CDC73: variants seen among roughly 807,000 people sequenced by gnomAD.
CDC73 encodes cell division cycle 73, also known as parafibromin.
A neutral mutation model predicts 83.7 loss-of-function variants in CDC73; 21 were observed. The ratio of observed to expected loss-of-function variants is 0.25; its 90% CI spans 0.18 to 0.36. The LOEUF (loss-of-function observed/expected upper bound fraction) is 0.36, where lower values mean the gene tolerates loss of function less well. Among genes scored for constraint, CDC73 ranks in the 10% least tolerant of loss-of-function variants. The pLI, the probability that CDC73 is intolerant of heterozygous loss-of-function variation, is 1.00. For missense variants in CDC73, 342 were observed against 653.3 expected (o/e 0.52, Z 5.19); for synonymous variants, 224 against 212.9 (o/e 1.05, Z -0.45).
At chr1:193,238,774 C>T (rs976557988) in intron 15 of CDC73, among the ~76,000 whole-genome samples, 3 of 152,030 alleles carry the variant, frequency 2.0e-5, no homozygotes, top group East Asian at 3.8e-4. Context: ...TTAAGAAAAT[C>T]GTAAGAAAGA....
chr1:193,123,841 G>A (rs530580183), intron 1 of CDC73, among the ~76,000 whole-genome samples: 1 of 152,304 alleles, frequency 6.6e-6, no homozygotes, highest in African/African-American at 2.4e-5. Flanking sequence ...ATAAGTTGAT[G>A]TGAAATGCTT....
At chr1:193,219,174 A>C (rs1677420565) in intron 13 of CDC73, among the ~76,000 whole-genome samples, 2 of 152,242 alleles carry the variant, frequency 1.3e-5, no homozygotes, top group Admixed American at 6.5e-5. Context: ...TGCAAATCAA[A>C]ACTGCAATGA....
At chr1:193,182,045 A>T (rs1475310253) in intron 10 of CDC73, among the ~76,000 whole-genome samples, 2 of 152,140 alleles carry the variant, frequency 1.3e-5, no homozygotes, top group African/African-American at 4.8e-5. Context: ...GCAGATGGAA[A>T]ATTTATTGGC....
chr1:193,168,417 G>C (rs1251828879), intron 10 of CDC73, among the ~76,000 whole-genome samples: 1 of 152,144 alleles, frequency 6.6e-6, no homozygotes, highest in African/African-American at 2.4e-5. Context: ...GAGGATTAAA[G>C]TAAGGTAAAG....
At chr1:193,225,663 G>A (rs1291878712) in intron 13 of CDC73, among the ~76,000 whole-genome samples, 1 of 152,054 alleles carries the variant, frequency 6.6e-6, no homozygotes, top group Non-Finnish European at 1.5e-5. Flanking sequence ...CATTAGTGAT[G>A]TTGAGCATTT....
At chr1:193,248,269 A>G (rs1035534427) in intron 15 of CDC73, among the ~76,000 whole-genome samples, 6 of 152,116 alleles carry the variant, frequency 3.9e-5, no homozygotes. Context: ...AACACTGTTT[A>G]CAGCAGGGTT....
intron 8 of CDC73, 98 bp downstream of exon 8, chr1:193,148,063 G>A: frequency 1.2e-6 from 1 of 838,362 alleles, no homozygotes. Flanking sequence ...TAAAATCAGT[G>A]GATTCTAAAC....
At chr1:193,240,730 C>T (rs1192264513) in intron 15 of CDC73, among the ~76,000 whole-genome samples, 2 of 152,032 alleles carry the variant, frequency 1.3e-5, no homozygotes, top group African/African-American at 4.8e-5. Flanking sequence ...GAGTTTCTTG[C>T]ATATTAGTCC....
intron 10 of CDC73, chr1:193,186,760 G>A (rs1306963180): frequency 6.6e-6 from 1 of 152,122 alleles, no homozygotes; most frequent in Non-Finnish European, 1.5e-5. Flanking sequence ...AATTATATAT[G>A]TTGAATGCAA....
intron 13 of CDC73, among the ~76,000 whole-genome samples, chr1:193,217,615 C>T (rs369568241): frequency 4.7e-4 from 71 of 152,102 alleles, no homozygotes; most frequent in Middle Eastern, 6.8e-3. Context: ...CTTGTGTCTT[C>T]TTCTGCTGAT....
chr1:193,222,396 G>A (rs1677487679), intron 13 of CDC73, among the ~76,000 whole-genome samples: 1 of 152,294 alleles, frequency 6.6e-6, no homozygotes, highest in African/African-American at 2.4e-5. Context: ...TTACCAGAGC[G>A]TAGACTGGAC....
At chr1:193,165,944 A>G (rs1244689821) in intron 10 of CDC73, among the ~76,000 whole-genome samples, 1 of 152,228 alleles carries the variant, frequency 6.6e-6, no homozygotes, top group Non-Finnish European at 1.5e-5. Context: ...TGAGTTTTAC[A>G]TGTAAGTTCT....
chr1:193,130,295 T>TC lies in CDC73; in HGVS notation c.307+56dup, dbSNP rs1299050132. On this transcript the variant is annotated intron_variant, in intron 3 of 16. Transcript: ENST00000367435. ...TCTTAAACAGACATTGTTTCTTTTT[T>TC]CCCCTATGAAATAATGATTAGAGGG... 13 of 1,098,058 alleles carry TC rather than the reference T, an allele frequency of 1.2e-5. No individual in the cohort carries two copies. The African/African-American group carries it at 1.8e-4, about 16-fold the overall frequency. 68.0% of individuals were successfully genotyped at this position (1,098,058 alleles called of 1,614,324 possible).
chr1:193,205,087 A>G (rs1677163272), intron 11 of CDC73, among the ~76,000 whole-genome samples: 1 of 151,668 alleles, frequency 6.6e-6, no homozygotes, highest in Admixed American at 6.6e-5. Context: ...TCATTTAGAT[A>G]CCAACCCTGT....
chr1:193,138,837 C>T (rs562254630), intron 6 of CDC73, among the ~76,000 whole-genome samples: 4 of 141,128 alleles, frequency 2.8e-5, no homozygotes, highest in Admixed American at 1.5e-4. Context: ...TGCAGTGGTG[C>T]GATCTTGGCT....
intron 15 of CDC73, among the ~76,000 whole-genome samples, chr1:193,245,689 G>T (rs1677943107): frequency 6.6e-6 from 1 of 151,984 alleles, no homozygotes; most frequent in African/African-American, 2.4e-5. Context: ...AGTTCTCTTG[G>T]TAGTTTTTTG....
At chr1:193,176,035 G>A (rs368337597) in intron 10 of CDC73, among the ~76,000 whole-genome samples, 1 of 152,104 alleles carries the variant, frequency 6.6e-6, no homozygotes, top group Non-Finnish European at 1.5e-5. Context: ...AAGACAAACA[G>A]ATCCCTGATA....
intron 2 of CDC73, 84 bp downstream of exon 2, chr1:193,125,301 C>T (rs796265386): frequency 3.9e-5 from 34 of 865,680 alleles, no homozygotes; most frequent in African/African-American, 1.7e-4. Context: ...CCTTGTTGCC[C>T]GGGCTAGGGT....
intron 7 of CDC73, among the ~76,000 whole-genome samples, chr1:193,142,438 A>T (rs533389970): frequency 1.3e-5 from 2 of 152,072 alleles, no homozygotes. Context: ...TTTTTCTCAC[A>T]TGGTAGAGAA....
Sources: allele counts gnomAD v4.1 joint callset (sites outside exome capture counted in the v4.1 genomes callset), GRCh38; gene constraint gnomAD v4.1.1; transcripts MANE v1.5; gene names NCBI Gene and HGNC (gene_info 2026-07-23, HGNC 2026-07-21).